SCCPDH: variants seen among roughly 807,000 people sequenced by gnomAD.
SCCPDH encodes the protein saccharopine dehydrogenase (putative), also known as saccharopine dehydrogenase-like oxidoreductase.
Under a neutral mutation model 51.5 loss-of-function variants are expected in SCCPDH, and 34 were observed. That is an observed-to-expected ratio of 0.66 (90% CI 0.50 to 0.88). The LOEUF (loss-of-function observed/expected upper bound fraction) is 0.88, where lower values mean the gene tolerates loss of function less well. Among genes scored for constraint, SCCPDH ranks in the 40% least tolerant of loss-of-function variants. SCCPDH has a pLI of 0.00. For synonymous variants in SCCPDH, 187 were observed against 191.3 expected (o/e 0.98, Z 0.19); for missense variants, 464 against 527.1 (o/e 0.88, Z 1.17).
chr1:246,731,991 G>T (rs1416432672), intron 2 of SCCPDH, among the ~76,000 whole-genome samples: 1 of 151,384 alleles, frequency 6.6e-6, no homozygotes, highest in Non-Finnish European at 1.5e-5. Flanking sequence ...GTGATAGTTT[G>T]CTCAGAATGA....
In SCCPDH at chr1:246,726,961, A is replaced by G. The variant is rs1668408967; in HGVS notation, c.260A>G (p.Glu87Gly). 2 of 1,614,064 alleles carry G rather than the reference A, an allele frequency of 1.2e-6. No individual in the cohort carries two copies. The highest frequency in any genetic ancestry group is 1.3e-5 in the African/African-American group (1 of 74,946). ...CDIANPASLD[E>G]MAKQATVVLN... The stretch of plus-strand genomic sequence containing the variant: ...ATTGCTAATCCAGCCTCGCTTGATG[A>G]AATGGCTAAACAGGCAACAGTTGTC... Residue 87 changes from glutamate (E) to glycine (G), a missense_variant, in exon 2 of 12, where the codon GAA (glutamate) becomes GGA (glycine). By Grantham distance (98) the Glu-to-Gly change is moderately conservative (BLOSUM62 -2). Coordinates refer to ENST00000366510, the MANE Select transcript of SCCPDH (RefSeq NM_016002.3).
At chr1:246,749,256 C>T (rs534547017) in intron 5 of SCCPDH, among the ~76,000 whole-genome samples, 7 of 152,280 alleles carry the variant, frequency 4.6e-5, no homozygotes, top group East Asian at 3.9e-4. Flanking sequence ...TTTTGTTTAG[C>T]GTGCAAACAG....
chr1:246,726,752 C>T, intron 1 of SCCPDH, 140 bp from the exon 2 acceptor site: 1 of 608,276 alleles, frequency 1.6e-6, no homozygotes, highest in Non-Finnish European at 2.8e-6. Flanking sequence ...ACAGTTTTAT[C>T]TTTTGTCTAA....
At chr1:246,730,595 A>G (rs1157285173) in intron 2 of SCCPDH, among the ~76,000 whole-genome samples, 1 of 152,208 alleles carries the variant, frequency 6.6e-6, no homozygotes. Flanking sequence ...ACCACTTAAC[A>G]TGGCCCAGGG....
intron 2 of SCCPDH, among the ~76,000 whole-genome samples, chr1:246,734,805 A>G: frequency 6.6e-6 from 1 of 152,228 alleles, no homozygotes; most frequent in East Asian, 1.9e-4. Flanking sequence ...AAAGGAAAAG[A>G]TTTGTCATGC....
At chr1:246,730,159 C>G (rs1668470961) in intron 2 of SCCPDH, among the ~76,000 whole-genome samples, 1 of 152,156 alleles carries the variant, frequency 6.6e-6, no homozygotes, top group African/African-American at 2.4e-5. Context: ...TCACCTCCTA[C>G]TCTATCTTAA....
intron 10 of SCCPDH, among the ~76,000 whole-genome samples, chr1:246,765,805 G>A (rs1669079771): frequency 6.6e-6 from 1 of 151,976 alleles, no homozygotes; most frequent in African/African-American, 2.4e-5. Flanking sequence ...TCTCTCTATG[G>A]GATAAAAGTA....
At chr1:246,746,321 G>A (rs529443763) in intron 5 of SCCPDH, among the ~76,000 whole-genome samples, 19 of 152,010 alleles carry the variant, frequency 1.2e-4, no homozygotes, top group East Asian at 1.9e-4. Context: ...CAATCAGAAC[G>A]GAACAGAACA....
chr1:246,759,874 G>A (rs1472396080), intron 7 of SCCPDH, 83 bp from the exon 8 acceptor site: 2 of 1,405,652 alleles, frequency 1.4e-6, no homozygotes, highest in African/African-American at 2.9e-5. Context: ...TGTGATGGAA[G>A]AGAAAGGTAC....
chr1:246,759,494 C>T (rs1291214773), intron 7 of SCCPDH, among the ~76,000 whole-genome samples: 1 of 152,216 alleles, frequency 6.6e-6, no homozygotes, highest in African/African-American at 2.4e-5. Context: ...TCTGTCCCCT[C>T]TCTCCTTGCC....
intron 2 of SCCPDH, 93 bp downstream of exon 2, chr1:246,727,097 G>T: frequency 9.7e-7 from 1 of 1,033,384 alleles, no homozygotes; most frequent in East Asian, 2.5e-5. Context: ...GGACAGAATT[G>T]TTGGTTGAAG....
intron 1 of SCCPDH, among the ~76,000 whole-genome samples, chr1:246,724,931 C>G (rs894306751): frequency 7.2e-5 from 11 of 152,136 alleles, no homozygotes; most frequent in African/African-American, 2.7e-4. Context: ...TGAGTTGTCC[C>G]TCTCTCTGCT....
intron 9 of SCCPDH, among the ~76,000 whole-genome samples, chr1:246,762,411 C>T (rs1014954021): frequency 6.6e-6 from 1 of 152,164 alleles, no homozygotes; most frequent in Non-Finnish European, 1.5e-5. Flanking sequence ...AGCATTCCTA[C>T]GGTTTCTTTC....
intron 2 of SCCPDH, among the ~76,000 whole-genome samples, chr1:246,733,715 A>G (rs939554443): frequency 6.6e-6 from 1 of 152,180 alleles, no homozygotes; most frequent in Non-Finnish European, 1.5e-5. Flanking sequence ...GGTGTCTGCT[A>G]GATACCTTGC....
chr1:246,761,807 T>C (rs930686821), intron 9 of SCCPDH, among the ~76,000 whole-genome samples: 3 of 152,270 alleles, frequency 2.0e-5, no homozygotes, highest in Non-Finnish European at 4.4e-5. Flanking sequence ...TGAACACATG[T>C]GTTGCCTCCA....
chr1:246,746,657 A>G (rs1335385561), intron 5 of SCCPDH, among the ~76,000 whole-genome samples: 1 of 152,132 alleles, frequency 6.6e-6, no homozygotes, highest in African/African-American at 2.4e-5. Flanking sequence ...CCTGGCCAAT[A>G]TGGTGAAACT....
intron 9 of SCCPDH, among the ~76,000 whole-genome samples, chr1:246,763,650 T>G (rs1669049897): frequency 6.6e-6 from 1 of 151,838 alleles, no homozygotes; most frequent in Admixed American, 6.6e-5. Context: ...TATCTCTCTC[T>G]CCCCCCCTTT....
At chr1:246,739,970 C>G (rs778391851) in intron 3 of SCCPDH, among the ~76,000 whole-genome samples, 11 of 152,122 alleles carry the variant, frequency 7.2e-5, no homozygotes, top group Non-Finnish European at 1.0e-4. Flanking sequence ...CAGACGAGCA[C>G]AACTTCTGTA....
chr1:246,731,103 C>A (rs1438269156), intron 2 of SCCPDH, among the ~76,000 whole-genome samples: 1 of 152,116 alleles, frequency 6.6e-6, no homozygotes, highest in Non-Finnish European at 1.5e-5. Context: ...AGCAGGATTG[C>A]GGTTCTGACC....
Sources: gnomAD v4.1 joint callset for allele counts (sites outside exome capture counted in the v4.1 genomes callset) on GRCh38, gnomAD v4.1.1 for gene constraint, MANE v1.5 for transcripts, NCBI Gene and HGNC (gene_info 2026-07-23, HGNC 2026-07-21) for gene names.